Variants in GABRG3 observed in about 807,000 individuals in gnomAD.
GABRG3 encodes the protein gamma-aminobutyric acid receptor subunit gamma-3.
In GABRG3, 25 loss-of-function variants were observed where a neutral mutation model predicts 48.8. The ratio of observed to expected loss-of-function variants is 0.51; its 90% CI spans 0.37 to 0.72. The LOEUF is 0.72. Ranked by LOEUF, GABRG3 falls within the 30% of genes least tolerant of loss-of-function variation. GABRG3 has a pLI of 0.00. For synonymous variants in GABRG3, 227 were observed against 217.6 expected (o/e 1.04, Z -0.38); for missense variants, 394 against 577.9 (o/e 0.68, Z 3.26).
At chr15:27,272,556 T>C (rs572489097) in intron 3 of GABRG3, among the ~76,000 whole-genome samples, 166 of 152,264 alleles carry the variant, frequency 1.1e-3, no homozygotes, top group African/African-American at 3.8e-3. Flanking sequence ...GTTTTTGTAT[T>C]TTTTTGAAAG....
intron 3 of GABRG3, among the ~76,000 whole-genome samples, chr15:27,316,652 G>C (rs62001307): frequency 6.6e-6 from 1 of 151,992 alleles, no homozygotes; most frequent in Non-Finnish European, 1.5e-5. Flanking sequence ...CATTTTTTAT[G>C]TGGGGGAAAT....
chr15:27,466,120 C>T (rs974755552), intron 5 of GABRG3, among the ~76,000 whole-genome samples: 2 of 152,144 alleles, frequency 1.3e-5, no homozygotes, highest in South Asian at 2.1e-4. Flanking sequence ...AATGCCAGAC[C>T]GCACTGAGTT....
At chr15:27,168,963 T>C (rs1039202487) in intron 3 of GABRG3, among the ~76,000 whole-genome samples, 3 of 152,354 alleles carry the variant, frequency 2.0e-5, no homozygotes, top group African/African-American at 7.2e-5. Context: ...CTAATGTGTT[T>C]GGCAGTCAGG....
intron 2 of GABRG3, among the ~76,000 whole-genome samples, chr15:27,003,227 A>ATTTT (rs1895490715): frequency 7.6e-6 from 1 of 131,482 alleles, no homozygotes; most frequent in African/African-American, 2.7e-5. Context: ...TTATTTATTT[A>ATTTT]TTTATTTATT....
At chr15:27,479,946 C>T (rs1182873483) in intron 5 of GABRG3, among the ~76,000 whole-genome samples, 1 of 152,232 alleles carries the variant, frequency 6.6e-6, no homozygotes, top group African/African-American at 2.4e-5. Context: ...GAAAAGCAGG[C>T]ATCTGGCAAA....
rs958541294 is a variant in GABRG3, at chr15:26,974,265, G to C, written c.53+2677G>C. Among the ~76,000 whole-genome samples, 1 of 152,116 alleles carries C rather than the reference G, an allele frequency of 6.6e-6. No homozygotes were observed. The highest frequency in any genetic ancestry group is 2.4e-5 in the African/African-American group (1 of 41,418). On this transcript the variant is annotated intron_variant, in intron 1 of 9. Coordinates refer to ENST00000615808, the MANE Select transcript of GABRG3 (RefSeq NM_033223.5). This position sits in a 1 kb window ranked among gnomAD's most constrained non-coding sequence, Gnocchi z 4.3. ...GTCCCCCTCACTGCCACCTGTCCTG[G>C]CCTCTAAGGAGGAAGCGCTTGCAAT...
intron 3 of GABRG3, among the ~76,000 whole-genome samples, chr15:27,145,778 C>A (rs188149519): frequency 6.6e-6 from 1 of 151,962 alleles, no homozygotes; most frequent in East Asian, 1.9e-4. Context: ...AATGGACTCT[C>A]AATAGGAAAA....
chr15:27,459,259 G>A (rs2150834750), intron 5 of GABRG3, among the ~76,000 whole-genome samples: 1 of 152,336 alleles, frequency 6.6e-6, no homozygotes, highest in African/African-American at 2.4e-5. Context: ...TGTTCCTGCT[G>A]CTGGGAGTCC....
chr15:27,079,694 A>T (rs1038605596), intron 3 of GABRG3, among the ~76,000 whole-genome samples: 3 of 152,240 alleles, frequency 2.0e-5, no homozygotes, highest in Non-Finnish European at 2.9e-5. Flanking sequence ...GGACAGAATT[A>T]AAAAAATAAT....
chr15:27,419,615 G>A (rs1033630740), intron 5 of GABRG3, among the ~76,000 whole-genome samples: 8 of 152,104 alleles, frequency 5.3e-5, no homozygotes, highest in African/African-American at 1.4e-4. Flanking sequence ...TAACTCCTCC[G>A]TAGCCAAATC....
chr15:27,267,930 G>T (rs539156981), intron 3 of GABRG3, among the ~76,000 whole-genome samples: 2 of 152,180 alleles, frequency 1.3e-5, no homozygotes, highest in Non-Finnish European at 2.9e-5. Context: ...TTTATGTGTT[G>T]TTGGATTCAA....
At chr15:27,137,258 C>T (rs1016261173) in intron 3 of GABRG3, among the ~76,000 whole-genome samples, 1 of 152,166 alleles carries the variant, frequency 6.6e-6, no homozygotes, top group African/African-American at 2.4e-5. Flanking sequence ...GCATCTCTCT[C>T]CTAGTCCATG....
intron 3 of GABRG3, among the ~76,000 whole-genome samples, chr15:27,281,474 A>T (rs1595635066): frequency 7.0e-6 from 1 of 143,412 alleles, no homozygotes; most frequent in Non-Finnish European, 1.5e-5. Flanking sequence ...CCTGTGGTTA[A>T]TTTTTTTTTT....
intron 3 of GABRG3, among the ~76,000 whole-genome samples, chr15:27,045,251 C>T (rs373426405): frequency 7.9e-5 from 12 of 152,158 alleles, no homozygotes; most frequent in Non-Finnish European, 1.8e-4. Context: ...GTCAGCCAGG[C>T]GAAGGGGTGA....
intron 5 of GABRG3, among the ~76,000 whole-genome samples, chr15:27,344,342 T>G (rs1244131780): frequency 6.6e-6 from 1 of 152,248 alleles, no homozygotes; most frequent in African/African-American, 2.4e-5. Flanking sequence ...CTGTTTTTAT[T>G]TTTGTCTCTG....
At chr15:27,158,677 G>C (rs1247024011) in intron 3 of GABRG3, among the ~76,000 whole-genome samples, 1 of 152,130 alleles carries the variant, frequency 6.6e-6, no homozygotes, top group Non-Finnish European at 1.5e-5. Context: ...AGAATAAACT[G>C]CTATGTAGCT....
chr15:27,414,769 C>A (rs1017691588), intron 5 of GABRG3, among the ~76,000 whole-genome samples: 7 of 152,292 alleles, frequency 4.6e-5, no homozygotes, highest in African/African-American at 1.7e-4. Context: ...CAACATTCTC[C>A]TGCTGAAACG....
At chr15:27,445,757 CTG>C (rs1397634672) in intron 5 of GABRG3, among the ~76,000 whole-genome samples, 1 of 152,008 alleles carries the variant, frequency 6.6e-6, no homozygotes, top group East Asian at 1.9e-4. Context: ...AGACTTATTG[CTG>C]TGTTTTCTTC....
intron 3 of GABRG3, among the ~76,000 whole-genome samples, chr15:27,187,153 TTATCCCAGCATTATTTATTGAA>T (rs1401006203): frequency 6.6e-6 from 1 of 152,176 alleles, no homozygotes; most frequent in Non-Finnish European, 1.5e-5. Flanking sequence ...GGCAGACCAG[TTATCCCAGCATTATTTATTGAA>T]TAGAGAGTCC....
Sources: gnomAD v4.1 joint callset for allele counts (sites outside exome capture counted in the v4.1 genomes callset) on GRCh38, gnomAD v4.1.1 for gene constraint, Gnocchi (gnomAD v3.1) non-coding constraint, MANE v1.5 for transcripts, NCBI Gene and HGNC (gene_info 2026-07-23, HGNC 2026-07-21) for gene names.